GRIK1: variants seen among roughly 807,000 people sequenced by gnomAD.
GRIK1 encodes glutamate ionotropic receptor kainate type subunit 1, also known as glutamate receptor ionotropic, kainate 1.
In GRIK1, 69 loss-of-function variants were observed where a neutral mutation model predicts 105.7. The observed-to-expected ratio is 0.65, with a 90% CI of 0.54 to 0.80. The LOEUF (loss-of-function observed/expected upper bound fraction) is 0.80. Ranked by LOEUF, GRIK1 falls within the 30% of genes least tolerant of loss-of-function variation. The pLI is 0.00. For missense variants in GRIK1, 1,109 were observed against 1,167.3 expected (o/e 0.95, Z 0.73); for synonymous variants, 438 against 431.3 (o/e 1.02, Z -0.19).
intron 1 of GRIK1, among the ~76,000 whole-genome samples, chr21:29,827,589 A>C (rs1184366946): frequency 3.3e-5 from 5 of 152,080 alleles, no homozygotes; most frequent in African/African-American, 1.2e-4. Flanking sequence ...GTCGTAAATG[A>C]CTCAAGAGTT....
At chr21:29,870,164 G>A (rs146907951) in intron 1 of GRIK1, among the ~76,000 whole-genome samples, 1,775 of 152,186 alleles carry the variant, frequency 0.012, 76 homozygotes, top group Admixed American at 0.083. Flanking sequence ...ACACATAATA[G>A]TGTATTAAAT....
rs187479246 is a variant in GRIK1, at chr21:29,615,294, C to A, written c.1099-16357G>T. On this transcript the variant is annotated intron_variant, in intron 7 of 17. Transcript: ENST00000327783. ...GCATTCACCATTTGCCTTCATGGCCCACTATTCCTTTTTTTCTTTCTTTCT... is the reference window on the plus strand; with the variant it reads ...GCATTCACCATTTGCCTTCATGGCCAACTATTCCTTTTTTTCTTTCTTTCT... Among the ~76,000 whole-genome samples, 117 of 150,754 alleles carry A rather than the reference C, an allele frequency of 7.8e-4. 6 individuals carry two copies. The highest frequency in any genetic ancestry group is 2.8e-3 in the African/African-American group (113 of 40,256).
At chr21:29,570,659 T>C (rs762058275) in intron 14 of GRIK1, among the ~76,000 whole-genome samples, 1 of 152,338 alleles carries the variant, frequency 6.6e-6, no homozygotes, top group South Asian at 2.1e-4. Flanking sequence ...GAACACTTGA[T>C]AAATGTTCTG....
chr21:29,902,562 A>C (rs1423068299), intron 1 of GRIK1, among the ~76,000 whole-genome samples: 2 of 152,206 alleles, frequency 1.3e-5, no homozygotes, highest in African/African-American at 4.8e-5. Flanking sequence ...AAAAGAATCA[A>C]ATACCTAGGA....
chr21:29,698,476 G>T lies in GRIK1; in HGVS notation c.119-4413C>A, dbSNP rs1601481385. Among the ~76,000 whole-genome samples the T allele has an allele frequency of 2.6e-5, 4 of 152,346 alleles. No homozygotes were observed. The South Asian group carries it at 8.3e-4, about 32-fold the overall frequency. ...GCTTTTTCATTCTGCTATAATTCTT[G>T]AGAGAAGTAGTGCATGACAGATGGA... On this transcript the variant is annotated intron_variant, in intron 1 of 17. Transcript: ENST00000327783.
At chr21:29,882,134 A>G (rs1366244288) in intron 1 of GRIK1, among the ~76,000 whole-genome samples, 1 of 152,124 alleles carries the variant, frequency 6.6e-6, no homozygotes, top group Non-Finnish European at 1.5e-5. Flanking sequence ...CATCAAAAAA[A>G]GGCCATAACA....
chr21:29,755,785 G>T (rs988411462), intron 1 of GRIK1, among the ~76,000 whole-genome samples: 37 of 152,306 alleles, frequency 2.4e-4, no homozygotes, highest in African/African-American at 8.7e-4. Flanking sequence ...TCAGTGTAGG[G>T]ACAACGTCTT....
intron 1 of GRIK1, among the ~76,000 whole-genome samples, chr21:29,894,751 G>C (rs553856030): frequency 1.3e-5 from 2 of 152,110 alleles, no homozygotes; most frequent in African/African-American, 4.8e-5. Flanking sequence ...GATTTTAATC[G>C]GCGGGATGGC....
chr21:29,682,580 T>C (rs2063401083), intron 3 of GRIK1, among the ~76,000 whole-genome samples: 1 of 152,206 alleles, frequency 6.6e-6, no homozygotes, highest in Non-Finnish European at 1.5e-5. Flanking sequence ...GCTAGCCATA[T>C]GTAGAAGAAT....
chr21:29,590,555 C>T (rs370898693), intron 10 of GRIK1, among the ~76,000 whole-genome samples: 1 of 152,222 alleles, frequency 6.6e-6, no homozygotes, highest in East Asian at 1.9e-4. Context: ...GATTTGGTGG[C>T]AAGTCATAGA....
At chr21:29,881,688 T>A (rs778327929) in intron 1 of GRIK1, among the ~76,000 whole-genome samples, 8 of 152,248 alleles carry the variant, frequency 5.3e-5, no homozygotes, top group East Asian at 1.9e-4. Context: ...GATTCTTCAA[T>A]TCCCTGTCCC....
intron 1 of GRIK1, among the ~76,000 whole-genome samples, chr21:29,799,168 G>A (rs1384298071): frequency 6.6e-6 from 1 of 152,098 alleles, no homozygotes; most frequent in Non-Finnish European, 1.5e-5. Flanking sequence ...TTCCGTCTTG[G>A]ACATTTCAAC....
chr21:29,791,351 G>A (rs2066408305), intron 1 of GRIK1, among the ~76,000 whole-genome samples: 2 of 152,124 alleles, frequency 1.3e-5, no homozygotes, highest in Admixed American at 6.5e-5. Flanking sequence ...GGGTTTGGGG[G>A]CACTGAAGCC....
intron 1 of GRIK1, among the ~76,000 whole-genome samples, chr21:29,911,130 T>G (rs1378261079): frequency 1.3e-5 from 2 of 152,108 alleles, no homozygotes; most frequent in Non-Finnish European, 2.9e-5. Flanking sequence ...ACATGGGAGT[T>G]ACTTTTTTAT....
chr21:29,868,011 GAAAA>G (rs1194464719), intron 1 of GRIK1, among the ~76,000 whole-genome samples: 1 of 147,408 alleles, frequency 6.8e-6, no homozygotes, highest in Non-Finnish European at 1.5e-5. Context: ...AAGAAAGAAA[GAAAA>G]GACAGAAAGA....
chr21:29,866,135 C>T (rs2068794158), intron 1 of GRIK1, among the ~76,000 whole-genome samples: 1 of 152,054 alleles, frequency 6.6e-6, no homozygotes, highest in Admixed American at 6.6e-5. Context: ...GGCACAATCA[C>T]TTTTCACTAT....
intron 1 of GRIK1, among the ~76,000 whole-genome samples, chr21:29,738,953 A>G (rs147326558): frequency 6.6e-5 from 10 of 152,350 alleles, no homozygotes; most frequent in Middle Eastern, 6.8e-3. Context: ...GGACACAAAA[A>G]TCAAATTAGA....
At chr21:29,600,548 A>G (rs1339159584) in intron 7 of GRIK1, among the ~76,000 whole-genome samples, 1 of 152,220 alleles carries the variant, frequency 6.6e-6, no homozygotes, top group Non-Finnish European at 1.5e-5. Context: ...ACTTTACCAA[A>G]TTCATTAGAC....
chr21:29,734,411 C>CTTTTCTTTTCTT (rs2064727851), intron 1 of GRIK1, among the ~76,000 whole-genome samples: 3 of 39,508 alleles, frequency 7.6e-5, no homozygotes, highest in African/African-American at 2.2e-4. Context: ...CTTTTCTTTT[C>CTTTTCTTTTCTT]TTTTCTTTTC....
Sources: allele counts gnomAD v4.1 joint callset (sites outside exome capture counted in the v4.1 genomes callset), GRCh38; gene constraint gnomAD v4.1.1; transcripts MANE v1.5; gene names NCBI Gene and HGNC (gene_info 2026-07-23, HGNC 2026-07-21).